IGSF21: variants seen among roughly 807,000 people sequenced by gnomAD.
IGSF21 encodes immunoglobulin superfamily member 21.
Under a neutral mutation model 46.8 loss-of-function variants are expected in IGSF21, and 28 were observed. That is an observed-to-expected ratio of 0.60 (90% CI 0.44 to 0.82). The LOEUF is 0.82. IGSF21 is among the 40% of genes least tolerant of loss of function. The pLI is 0.00. For missense variants in IGSF21, 624 were observed against 665.5 expected, an observed-to-expected ratio of 0.94 and a Z score of 0.69; for synonymous variants, 284 against 273.6, an observed-to-expected ratio of 1.04 and a Z score of -0.38.
Position 18,376,861 on chromosome 1 carries a change from G to A in IGSF21, c.1163G>A (p.Gly388Asp). 1 of 1,612,156 alleles carries A rather than the reference G, an allele frequency of 6.2e-7. No individual in the cohort carries two copies. The highest frequency in any genetic ancestry group is 1.1e-5 in the South Asian group (1 of 91,018). ...WTRVGSRLLDGSAEFDGKELV... is the reference protein window; with the variant it reads ...WTRVGSRLLDDSAEFDGKELV... Reference sequence around the variant, plus strand: ...CGGGTTGGGAGCCGCCTCCTGGACGGCAGCGCTGAGTTCGACGGGAAGGAG... The same window carrying A: ...CGGGTTGGGAGCCGCCTCCTGGACGACAGCGCTGAGTTCGACGGGAAGGAG... The change falls in exon 8 of 10, where the codon GGC (glycine) becomes GAC (aspartate). Residue 388 changes from glycine (G) to aspartate (D), a missense_variant. Physicochemically the swap from Gly to Asp is moderately conservative, Grantham distance 94. Coordinates refer to ENST00000251296, the MANE Select transcript of IGSF21 (RefSeq NM_032880.5).
At chr1:18,221,337 C>A (rs1005026223) in intron 1 of IGSF21, among the ~76,000 whole-genome samples, 3 of 152,152 alleles carry the variant, frequency 2.0e-5, no homozygotes, top group African/African-American at 7.2e-5. Flanking sequence ...CAGCCCTGGG[C>A]AGATAGGGAC....
chr1:18,199,271 T>C (rs1171519339), intron 1 of IGSF21, among the ~76,000 whole-genome samples: 1 of 151,976 alleles, frequency 6.6e-6, no homozygotes, highest in African/African-American at 2.4e-5. Context: ...AGGGGATGTG[T>C]TTCAGTGTTT....
chr1:18,155,861 G>A (rs2086563607), intron 1 of IGSF21, among the ~76,000 whole-genome samples: 1 of 152,256 alleles, frequency 6.6e-6, no homozygotes, highest in African/African-American at 2.4e-5. Context: ...ATCCCTGCGG[G>A]ATCAAGAACG....
chr1:18,276,265 T>C (rs2085101866), intron 2 of IGSF21, among the ~76,000 whole-genome samples: 1 of 152,156 alleles, frequency 6.6e-6, no homozygotes, highest in Non-Finnish European at 1.5e-5. Context: ...TGGGTAGTAT[T>C]CAGTGGGCGG....
At chr1:18,296,019 C>T (rs897429433) in intron 3 of IGSF21, among the ~76,000 whole-genome samples, 3 of 152,114 alleles carry the variant, frequency 2.0e-5, no homozygotes, top group African/African-American at 4.8e-5. Flanking sequence ...CTCCTTGGCC[C>T]CTTGGGGGTG....
At chr1:18,123,346 T>TGGGAGCATGGAAA (rs1553147304) in intron 1 of IGSF21, among the ~76,000 whole-genome samples, 1 of 152,236 alleles carries the variant, frequency 6.6e-6, no homozygotes, top group East Asian at 1.9e-4. Flanking sequence ...CTCCATTTCC[T>TGGGAGCATGGAAA]GGGAGCATAG....
intron 1 of IGSF21, among the ~76,000 whole-genome samples, chr1:18,186,758 T>A (rs1447257127): frequency 6.6e-6 from 1 of 152,210 alleles, no homozygotes; most frequent in African/African-American, 2.4e-5. Flanking sequence ...CCAACTTCAG[T>A]GGCTTTGCAT....
intron 4 of IGSF21, among the ~76,000 whole-genome samples, chr1:18,341,079 C>A (rs10536110): frequency 2.0e-5 from 1 of 50,080 alleles, no homozygotes; most frequent in Non-Finnish European, 4.1e-5. Context: ...TTCTTCTTCT[C>A]CTCCTCCTCC....
intron 1 of IGSF21, among the ~76,000 whole-genome samples, chr1:18,153,387 G>A (rs1001338987): frequency 2.0e-5 from 3 of 152,232 alleles, no homozygotes; most frequent in Non-Finnish European, 4.4e-5. Context: ...CCAGCCAGAT[G>A]GATGGAGCGG....
intron 1 of IGSF21, among the ~76,000 whole-genome samples, chr1:18,120,871 CCTACT>C (rs1413371104): frequency 1.3e-5 from 2 of 152,180 alleles, no homozygotes; most frequent in Non-Finnish European, 2.9e-5. Flanking sequence ...GTGTGTCCTT[CCTACT>C]CTGGTCTCTT....
chr1:18,301,506 A>AT (rs1328584103), intron 3 of IGSF21, among the ~76,000 whole-genome samples: 1 of 151,918 alleles, frequency 6.6e-6, no homozygotes, highest in Non-Finnish European at 1.5e-5. Flanking sequence ...CACCTGGCCA[A>AT]TTTTTTGTAT....
At chr1:18,344,742 A>G (rs1212932504) in intron 4 of IGSF21, among the ~76,000 whole-genome samples, 1 of 152,164 alleles carries the variant, frequency 6.6e-6, no homozygotes, top group Non-Finnish European at 1.5e-5. Context: ...CAGAAAGGCA[A>G]GATTCAGAGC....
rs542034699 is a variant in IGSF21, at chr1:18,370,221, G to A, written c.1015+4524G>A. ...ATTGATCTACTTAAAATATAAATCAGATCATGACACCCGCCCAAAACCTTC... is the reference window on the plus strand; with the variant it reads ...ATTGATCTACTTAAAATATAAATCAAATCATGACACCCGCCCAAAACCTTC... On this transcript the variant is annotated intron_variant, in intron 6 of 9. Coordinates refer to ENST00000251296, the MANE Select transcript of IGSF21 (RefSeq NM_032880.5). 2.6e-5 allele frequency among the ~76,000 whole-genome samples: 4 copies of A among 152,282 alleles called. No individual in the cohort carries two copies. The South Asian group carries it at 6.2e-4, about 24-fold the overall frequency.
chr1:18,118,707 C>A (rs1350148876), intron 1 of IGSF21, among the ~76,000 whole-genome samples: 1 of 152,104 alleles, frequency 6.6e-6, no homozygotes, highest in Non-Finnish European at 1.5e-5. Flanking sequence ...AGGCCAATTC[C>A]TAGGGCCTGT....
intron 1 of IGSF21, among the ~76,000 whole-genome samples, chr1:18,206,664 C>A (rs752877353): frequency 1.3e-5 from 2 of 151,844 alleles, no homozygotes; most frequent in Non-Finnish European, 2.9e-5. Context: ...GTAGCTGGAG[C>A]AGAGTGGGCC....
At chr1:18,245,262 A>G (rs1313191603) in intron 2 of IGSF21, among the ~76,000 whole-genome samples, 1 of 152,200 alleles carries the variant, frequency 6.6e-6, no homozygotes, top group East Asian at 1.9e-4. Context: ...TATAAAGAAA[A>G]ATTAATTAAA....
chr1:18,355,758 G>A (rs1052288410), intron 4 of IGSF21, among the ~76,000 whole-genome samples: 1 of 151,616 alleles, frequency 6.6e-6, no homozygotes, highest in African/African-American at 2.4e-5. Context: ...GCCCAGGTCT[G>A]GTGTTACACA....
chr1:18,366,831 A>G (rs1420647509), intron 6 of IGSF21, among the ~76,000 whole-genome samples: 1 of 152,158 alleles, frequency 6.6e-6, no homozygotes, highest in Admixed American at 6.5e-5. Flanking sequence ...TCCCCAAAGC[A>G]GTTCCCTGGT....
At chr1:18,226,285 G>T (rs975335980) in intron 1 of IGSF21, among the ~76,000 whole-genome samples, 1 of 152,168 alleles carries the variant, frequency 6.6e-6, no homozygotes, top group Non-Finnish European at 1.5e-5. Context: ...ACTGTGTTGG[G>T]CATCTCTGTC....
Sources: gnomAD v4.1 joint callset for allele counts (sites outside exome capture counted in the v4.1 genomes callset) on GRCh38, gnomAD v4.1.1 for gene constraint, MANE v1.5 for transcripts, NCBI Gene and HGNC (gene_info 2026-07-23, HGNC 2026-07-21) for gene names.